Variants in CIB1 observed in about 807,000 individuals in gnomAD.
CIB1 encodes the protein calcium and integrin binding 1.
In CIB1, 19 loss-of-function variants were observed where a neutral mutation model predicts 25.0. The ratio of observed to expected loss-of-function variants is 0.76; its 90% CI spans 0.53 to 1.12. The LOEUF (loss-of-function observed/expected upper bound fraction) is 1.12, where lower values mean the gene tolerates loss of function less well. Among genes scored for constraint, CIB1 ranks in the 50% most tolerant of loss-of-function variants. The probability of loss-of-function intolerance (pLI) is 0.00; values close to 1 mark genes in which losing one functional copy is unlikely to be tolerated. For missense variants in CIB1, 236 were observed against 242.6 expected (o/e 0.97, Z 0.18); for synonymous variants, 104 against 98.5 (o/e 1.06, Z -0.33).
chr15:90,265,569 G>A, the CIB1 span: 5 of 1,388,048 alleles, frequency 3.6e-6, no homozygotes, highest in East Asian at 7.5e-5. Context: ...TGAGCAGCGT[G>A]AGCCCAGATC....
At chr15:90,257,606 G>A in the CIB1 span, 1 of 1,607,230 alleles carries the variant, frequency 6.2e-7, no homozygotes, top group Non-Finnish European at 8.5e-7. Flanking sequence ...CATGCAGACA[G>A]TCTGAGACCA....
In CIB1 at chr15:90,232,247, T is replaced by C; in HGVS notation, c.167A>G (p.Glu56Gly). Residue 56 changes from glutamate to glycine, a missense_variant, in exon 3 of 7, where the codon GAG (glutamate) becomes GGG (glycine). By Grantham distance (98) the Glu-to-Gly change is moderately conservative. Coordinates refer to ENST00000328649, the MANE Select transcript of CIB1 (RefSeq NM_006384.4). ...GAGCTCTGGAAGGCTGAGAATCTGC[T>C]CGAAGGGCACTTGTGCCCGAAGTGA... Reference protein sequence around the residue: ...ESSLRAQVPFEQILSLPELKA... With the variant: ...ESSLRAQVPFGQILSLPELKA... 6.2e-7 allele frequency: 1 copy of C among 1,612,790 alleles called. No homozygotes were observed. Among genetic ancestry groups the C allele is most frequent in the Non-Finnish European group, 8.5e-7 (1 of 1,179,016 alleles).
At chr15:90,244,806 G>C in the CIB1 span, 2 of 152,168 alleles carry the variant, frequency 1.3e-5, no homozygotes, top group Non-Finnish European at 2.9e-5. Context: ...GCGATAGTGC[G>C]AGACTCAGTC....
the CIB1 span, chr15:90,250,602 C>A: frequency 6.2e-7 from 1 of 1,602,228 alleles, no homozygotes; most frequent in South Asian, 1.1e-5. Context: ...ACTTCATTCC[C>A]ACCCCGCAAC....
the CIB1 span, among the ~76,000 whole-genome samples, chr15:90,247,357 T>A: frequency 0.17 from 24,436 of 147,850 alleles, 2,415 homozygotes; most frequent in African/African-American, 0.22. Context: ...GGTCTCAAAC[T>A]CCTGGCCTCC....
the CIB1 span, among the ~76,000 whole-genome samples, chr15:90,252,601 C>T: frequency 6.6e-6 from 1 of 152,174 alleles, no homozygotes; most frequent in Non-Finnish European, 1.5e-5. Flanking sequence ...CTAATATTCC[C>T]TCTGGCATCT....
chr15:90,257,357 G>T, the CIB1 span: 1 of 1,518,350 alleles, frequency 6.6e-7, no homozygotes. Flanking sequence ...TGGTAGAGAG[G>T]TTTGTCACTG....
chr15:90,231,314 G>C (rs750241867), intron 4 of CIB1, 43 bp downstream of exon 4: 2 of 1,609,516 alleles, frequency 1.2e-6, no homozygotes, highest in South Asian at 2.2e-5. Flanking sequence ...CAAAGCCCAC[G>C]TGGGAAGGGG....
chr15:90,233,611 C>T, intron 2 of CIB1, 58 bp downstream of exon 2: 1 of 1,546,610 alleles, frequency 6.5e-7, no homozygotes. Flanking sequence ...GGACAGCGCC[C>T]CCGAAGCTGT....
At chr15:90,256,577 C>CTTTCTT in the CIB1 span, among the ~76,000 whole-genome samples, 1 of 56,854 alleles carries the variant, frequency 1.8e-5, no homozygotes, top group Non-Finnish European at 3.3e-5. Flanking sequence ...TTCTTTCTTT[C>CTTTCTT]TTTCTTTCTT....
At chr15:90,264,187 CATTT>C in the CIB1 span, 1 of 635,074 alleles carries the variant, frequency 1.6e-6, no homozygotes, top group Non-Finnish European at 2.7e-6. Context: ...TTAGGGTACC[CATTT>C]ATTTACTCCT....
At chr15:90,251,072 C>A in the CIB1 span, among the ~76,000 whole-genome samples, 1 of 150,590 alleles carries the variant, frequency 6.6e-6, no homozygotes, top group Non-Finnish European at 1.5e-5. Context: ...TTTAGGCTGG[C>A]TCATTTTGGA....
chr15:90,247,207 CT>C, the CIB1 span, among the ~76,000 whole-genome samples: 1 of 151,448 alleles, frequency 6.6e-6, no homozygotes, highest in East Asian at 1.9e-4. Context: ...AACTCCTGAC[CT>C]CGTGATCCAC....
chr15:90,235,247 A>G (rs981603066), upstream of CIB1, among the ~76,000 whole-genome samples: 2 of 152,160 alleles, frequency 1.3e-5, no homozygotes, highest in East Asian at 3.9e-4. Flanking sequence ...GACACACTGT[A>G]TTAACAGGTA....
the CIB1 span, chr15:90,265,608 A>G: frequency 6.9e-7 from 1 of 1,457,128 alleles, no homozygotes; most frequent in Non-Finnish European, 9.4e-7. Flanking sequence ...GCGGGAAATA[A>G]CTTGCTACTA....
the CIB1 span, chr15:90,241,176 GGTGCT>G: frequency 6.2e-7 from 1 of 1,614,192 alleles, no homozygotes; most frequent in East Asian, 2.2e-5. Flanking sequence ...AATCCTCCCT[GGTGCT>G]GTGGGTTTCG....
At chr15:90,248,744 A>G in the CIB1 span, among the ~76,000 whole-genome samples, 1 of 144,488 alleles carries the variant, frequency 6.9e-6, no homozygotes, top group Non-Finnish European at 1.5e-5. Flanking sequence ...AAAAAAAAAA[A>G]AAAAAAAAAA....
the CIB1 span, chr15:90,259,164 AC>A: frequency 1.3e-6 from 1 of 751,750 alleles, no homozygotes; most frequent in Non-Finnish European, 1.9e-6. Context: ...AGAGTTCAAC[AC>A]CAGACTGGGC....
the CIB1 span, chr15:90,253,436 C>G: frequency 1.7e-6 from 2 of 1,167,356 alleles, no homozygotes; most frequent in Non-Finnish European, 2.4e-6. Context: ...ACCTCCTTGC[C>G]CAGGCACCCA....
Sources: allele counts gnomAD v4.1 joint callset (sites outside exome capture counted in the v4.1 genomes callset), GRCh38; gene constraint gnomAD v4.1.1; transcripts MANE v1.5; gene names NCBI Gene and HGNC (gene_info 2026-07-23, HGNC 2026-07-21).